The following TRAPPC9 variants were observed in gnomAD, a reference collection of about 807,000 sequenced individuals.
The protein encoded by TRAPPC9 is IKK2 binding protein.
In TRAPPC9, 83 loss-of-function variants were observed where a neutral mutation model predicts 124.0. The ratio of observed to expected loss-of-function variants is 0.67; its 90% CI spans 0.56 to 0.80. TRAPPC9 has a LOEUF of 0.80. TRAPPC9 is among the 30% of genes least tolerant of loss of function. The pLI is 0.00. For synonymous variants in TRAPPC9, 638 were observed against 617.5 expected, an observed-to-expected ratio of 1.03 and a Z score of -0.49; for missense variants, 1,302 against 1,508.3, an observed-to-expected ratio of 0.86 and a Z score of 2.27.
At chr8:140,185,253 G>A (rs901588547) in intron 17 of TRAPPC9, among the ~76,000 whole-genome samples, 10 of 152,198 alleles carry the variant, frequency 6.6e-5, no homozygotes, top group African/African-American at 1.2e-4. Flanking sequence ...CTGCCCTCCC[G>A]GGGCTCTGAG....
At chr8:139,990,299 C>T (rs879598754) in intron 18 of TRAPPC9, among the ~76,000 whole-genome samples, 3 of 152,126 alleles carry the variant, frequency 2.0e-5, no homozygotes, top group East Asian at 1.9e-4. Context: ...CTGTGATGCC[C>T]GAGGCCCTGG....
intron 7 of TRAPPC9, among the ~76,000 whole-genome samples, chr8:140,380,986 C>T (rs2068589603): frequency 6.6e-6 from 1 of 152,010 alleles, no homozygotes; most frequent in Non-Finnish European, 1.5e-5. Flanking sequence ...AGGTGGATCA[C>T]TTGAGGCGAG....
chr8:140,226,591 CAAAA>C (rs35750675), intron 16 of TRAPPC9, among the ~76,000 whole-genome samples: 1 of 103,296 alleles, frequency 9.7e-6, no homozygotes, highest in Non-Finnish European at 1.9e-5. Context: ...GACTCGGTCT[CAAAA>C]AAAAAAAAAA....
At position 139,949,142 on chromosome 8, in the gene TRAPPC9, G is replaced by A. The variant is rs557941635; in HGVS notation, c.2811-38842C>T. On this transcript the variant is annotated intron_variant, in intron 19 of 22. Coordinates refer to ENST00000438773, the MANE Select transcript of TRAPPC9 (RefSeq NM_001160372.4). ...GAAATTTCTGTGAGAATGATCACAG[G>A]AGAAAAAAAACCAAAGACACAAATA... Among the ~76,000 whole-genome samples, 17 of 151,794 alleles carry A rather than the reference G, an allele frequency of 1.1e-4. No homozygotes were observed. In the South Asian group the frequency reaches 3.3e-3, roughly 30 times the overall value.
chr8:140,210,078 C>T (rs1050074053), intron 17 of TRAPPC9, among the ~76,000 whole-genome samples: 17 of 152,240 alleles, frequency 1.1e-4, no homozygotes, highest in African/African-American at 3.9e-4. Flanking sequence ...ATCTCCTCGG[C>T]GTCACATCCC....
At chr8:140,134,200 C>A (rs1000892678) in intron 17 of TRAPPC9, among the ~76,000 whole-genome samples, 1 of 152,274 alleles carries the variant, frequency 6.6e-6, no homozygotes, top group East Asian at 1.9e-4. Flanking sequence ...AATAGACACA[C>A]AGACCAAGAG....
At chr8:139,743,294 G>T (rs1019837912) in intron 21 of TRAPPC9, among the ~76,000 whole-genome samples, 1 of 152,194 alleles carries the variant, frequency 6.6e-6, no homozygotes, top group Non-Finnish European at 1.5e-5. Context: ...ACGCCTCCCC[G>T]ACCTGGCCCC....
intron 17 of TRAPPC9, among the ~76,000 whole-genome samples, chr8:140,027,529 A>G (rs2131946041): frequency 6.6e-6 from 1 of 152,310 alleles, no homozygotes; most frequent in East Asian, 1.9e-4. Flanking sequence ...CACCAAGAGG[A>G]AATAGTCTGT....
chr8:139,860,010 C>T (rs566875355), intron 21 of TRAPPC9, among the ~76,000 whole-genome samples: 1 of 152,344 alleles, frequency 6.6e-6, no homozygotes, highest in East Asian at 1.9e-4. Context: ...TGACTCACAC[C>T]TCGACTCTTG....
chr8:140,436,972 G>GT (rs775436571), intron 3 of TRAPPC9, among the ~76,000 whole-genome samples: 4 of 151,294 alleles, frequency 2.6e-5, no homozygotes, highest in Middle Eastern at 3.4e-3. Context: ...TTTTATTTTG[G>GT]TTTTTTCTTA....
intron 15 of TRAPPC9, among the ~76,000 whole-genome samples, chr8:140,266,929 A>G (rs1197392871): frequency 6.6e-6 from 1 of 152,170 alleles, no homozygotes; most frequent in Non-Finnish European, 1.5e-5. Context: ...CACTCACCCC[A>G]TAAAAGCCCC....
chr8:140,382,897 G>T (rs181054273), intron 7 of TRAPPC9, among the ~76,000 whole-genome samples: 2 of 152,302 alleles, frequency 1.3e-5, no homozygotes, highest in African/African-American at 4.8e-5. Flanking sequence ...AGCCTAACTT[G>T]GGGGGAGGCA....
chr8:140,155,695 G>T (rs552155301), intron 17 of TRAPPC9, among the ~76,000 whole-genome samples: 1 of 150,944 alleles, frequency 6.6e-6, no homozygotes, highest in African/African-American at 2.4e-5. Flanking sequence ...ATTGACATGG[G>T]ACCCCCTGGC....
intron 16 of TRAPPC9, chr8:140,238,432 C>T (rs142982865): frequency 0.015 from 2,315 of 152,286 alleles, 23 homozygotes; most frequent in Non-Finnish European, 0.018. Context: ...GGAAGGTGCT[C>T]CTGAGAGCTC....
intron 9 of TRAPPC9, among the ~76,000 whole-genome samples, chr8:140,358,404 A>G (rs2067820360): frequency 6.6e-6 from 1 of 152,086 alleles, no homozygotes. Flanking sequence ...ACGGGGTTTC[A>G]CCATGTTGGC....
At chr8:139,953,773 T>C (rs1834811230) in intron 19 of TRAPPC9, among the ~76,000 whole-genome samples, 1 of 152,160 alleles carries the variant, frequency 6.6e-6, no homozygotes, top group Admixed American at 6.5e-5. Flanking sequence ...CAACAAAATC[T>C]ACAGACGGCA....
intron 21 of TRAPPC9, among the ~76,000 whole-genome samples, chr8:139,792,713 C>T (rs1321739524): frequency 1.3e-5 from 2 of 152,246 alleles, no homozygotes; most frequent in Non-Finnish European, 2.9e-5. Context: ...GGGCTGCAGG[C>T]CTGGGACCCC....
chr8:139,832,861 T>C (rs1473761418), intron 21 of TRAPPC9, among the ~76,000 whole-genome samples: 1 of 152,152 alleles, frequency 6.6e-6, no homozygotes, highest in Non-Finnish European at 1.5e-5. Context: ...GGGAATGTTA[T>C]GGCTTCCATG....
intron 19 of TRAPPC9, among the ~76,000 whole-genome samples, chr8:139,923,260 G>A (rs1832617625): frequency 6.6e-6 from 1 of 152,218 alleles, no homozygotes; most frequent in African/African-American, 2.4e-5. Context: ...TTTTTCGACA[G>A]AAATCTTTCC....
Sources: allele counts gnomAD v4.1 joint callset (sites outside exome capture counted in the v4.1 genomes callset), GRCh38; gene constraint gnomAD v4.1.1; transcripts MANE v1.5; gene names NCBI Gene and HGNC (gene_info 2026-07-23, HGNC 2026-07-21).